Variants in PIK3R6 observed in about 807,000 individuals in gnomAD.
PIK3R6 encodes the protein phosphoinositide 3-kinase regulatory subunit 6.
A neutral mutation model predicts 84.9 loss-of-function variants in PIK3R6; 91 were observed. That is an observed-to-expected ratio of 1.07 (90% CI 0.90 to 1.28). The LOEUF (loss-of-function observed/expected upper bound fraction) is 1.28, where lower values mean the gene tolerates loss of function less well. Among genes scored for constraint, PIK3R6 ranks in the 50% most tolerant of loss-of-function variants. The probability of loss-of-function intolerance (pLI) is 0.00; values close to 1 mark genes in which losing one functional copy is unlikely to be tolerated. For missense variants in PIK3R6, 996 were observed against 985.1 expected, an observed-to-expected ratio of 1.01 and a Z score of -0.15; for synonymous variants, 416 against 411.4, an observed-to-expected ratio of 1.01 and a Z score of -0.13.
chr17:8,829,697 G>A lies in PIK3R6; in HGVS notation c.889+9C>T, dbSNP rs2088165425. 1.9e-6 allele frequency: 3 copies of A among 1,550,918 alleles called. No individual in the cohort carries two copies. Among genetic ancestry groups the A allele is most frequent in the South Asian group, 1.2e-5 (1 of 83,992 alleles). Reference sequence around the variant, plus strand: ...ACCACTGTTTCCAGACAGCTCCATGGGCACGTACAGAGCTGCTCCTCACCG... The same window carrying A: ...ACCACTGTTTCCAGACAGCTCCATGAGCACGTACAGAGCTGCTCCTCACCG... On this transcript the variant is annotated intron_variant, in intron 10 of 19. Coordinates refer to ENST00000619866, the MANE Select transcript of PIK3R6 (RefSeq NM_001010855.4).
chr17:8,837,839 A>T lies in PIK3R6; in HGVS notation c.222T>A (p.Ile74=). 6.2e-7 allele frequency: 1 copy of T among 1,613,914 alleles called. No individual in the cohort carries two copies. The highest frequency in any genetic ancestry group is 8.5e-7 in the Non-Finnish European group (1 of 1,179,824). Residue 74 remains isoleucine, a synonymous_variant, in exon 5 of 20, where the codon ATT becomes ATA. Transcript: ENST00000619866. ...AESQDLRHVI[I]PLLHTVMYVL... ...CGTACATTACAGTGTGCAGCAAGGG[A>T]ATGATGACATGCCGGAGGTCCTGGC...
rs780309084 is a variant in PIK3R6 at position 8,828,811 on chromosome 17, CG to C, written c.1068del (p.Gly357AlafsTer26). Reference sequence around the variant, plus strand: ...CCGGCTCGCTCCATCTCAGGGCTGCCGGGTGCAGGCAGCTCATCAGCCCCCG... The same window carrying C: ...CCGGCTCGCTCCATCTCAGGGCTGCCGGTGCAGGCAGCTCATCAGCCCCCG... ...LPTGADELPA[P>X]GSPEMERAGL... On this transcript the variant is annotated frameshift_variant, in exon 11 of 20. Transcript: ENST00000619866. LOFTEE classifies it high-confidence loss of function. 3 of 1,588,308 alleles carry C rather than the reference CG, an allele frequency of 1.9e-6. No individual in the cohort carries two copies. The Admixed American group carries it at 5.3e-5, about 28-fold the overall frequency.
chr17:8,860,436 TCCCCAGCCCCAG>T (rs981008876), intron 1 of PIK3R6, among the ~76,000 whole-genome samples: 1 of 145,614 alleles, frequency 6.9e-6, no homozygotes, highest in Non-Finnish European at 1.5e-5. Context: ...TCCATCCCCA[TCCCCAGCCCCAG>T]CCCCAGCCCC....
intron 17 of PIK3R6, 45 bp downstream of exon 17, chr17:8,821,801 C>A: frequency 6.5e-7 from 1 of 1,533,556 alleles, no homozygotes; most frequent in South Asian, 1.2e-5. Context: ...CATTGCCCTT[C>A]TCATCTCTTC....
At chr17:8,821,767 C>A in intron 17 of PIK3R6, 79 bp downstream of exon 17, 1 of 1,424,656 alleles carries the variant, frequency 7.0e-7, no homozygotes, top group Non-Finnish European at 9.6e-7. Context: ...TCCCCCTTCT[C>A]CTGCCACTCT....
At position 8,844,399 on chromosome 17, in the gene PIK3R6, A is replaced by G. The variant is rs1374425143; in HGVS notation, c.14-4702T>C. 6.6e-6 allele frequency among the ~76,000 whole-genome samples: 1 copy of G among 152,172 alleles called. No individual in the cohort carries two copies. Among genetic ancestry groups the G allele is most frequent in the East Asian group, 1.9e-4 (1 of 5,192 alleles). ...CTAACCTTGGAATATGAGAGGTTGAAGCTGGTTTTGATTTGATTAAATGGA... is the reference window on the plus strand; with the variant it reads ...CTAACCTTGGAATATGAGAGGTTGAGGCTGGTTTTGATTTGATTAAATGGA... On this transcript the variant is annotated intron_variant, in intron 2 of 19. Coordinates refer to ENST00000619866, the MANE Select transcript of PIK3R6 (RefSeq NM_001010855.4). This position sits in a 1 kb window ranked among gnomAD's most constrained non-coding sequence, Gnocchi z 4.5.
intron 12 of PIK3R6, 42 bp downstream of exon 12, chr17:8,828,070 C>T (rs775095103): frequency 6.3e-7 from 1 of 1,592,826 alleles, no homozygotes; most frequent in East Asian, 2.2e-5. Context: ...GCCCAGCCTG[C>T]CCTGTCTCTG....
intron 18 of PIK3R6, among the ~76,000 whole-genome samples, chr17:8,815,677 A>G (rs2087510814): frequency 6.6e-6 from 1 of 152,156 alleles, no homozygotes; most frequent in African/African-American, 2.4e-5. Flanking sequence ...ATGGGAGGCA[A>G]TGGTGTGGGG....
At position 8,803,033 on chromosome 17, in the gene PIK3R6, G is replaced by A. The variant is rs1253196114; in HGVS notation, c.*240C>T. 1.9e-6 allele frequency: 1 copy of A among 529,550 alleles called. No homozygotes were observed. Among genetic ancestry groups the A allele is most frequent in the Non-Finnish European group, 3.4e-6 (1 of 298,348 alleles). The allele number at this position is 529,550 out of a possible 1,614,324, so 32.8% of individuals were successfully genotyped here. Reference sequence around the variant, plus strand: ...GAGTAGACATTTGTATGAGAAGCTGGGCTTGGTGTGTATGTTCTCAAGCAG... The same window carrying A: ...GAGTAGACATTTGTATGAGAAGCTGAGCTTGGTGTGTATGTTCTCAAGCAG... On this transcript the variant is annotated 3_prime_UTR_variant, in exon 20 of 20. Transcript: ENST00000619866. This position sits in a 1 kb window ranked among gnomAD's most constrained non-coding sequence, Gnocchi z 5.0.
chr17:8,861,196 A>T (rs537131490), intron 1 of PIK3R6, among the ~76,000 whole-genome samples: 2 of 151,132 alleles, frequency 1.3e-5, no homozygotes, highest in Admixed American at 6.6e-5. Flanking sequence ...AAAAAAAAAA[A>T]AAAGAAAGAA....
intron 18 of PIK3R6, among the ~76,000 whole-genome samples, chr17:8,813,289 A>C (rs951316421): frequency 2.6e-5 from 4 of 152,232 alleles, no homozygotes; most frequent in Non-Finnish European, 4.4e-5. Flanking sequence ...CCTCAGGAGC[A>C]GATGGGTTCA....
Position 8,844,519 on chromosome 17 carries a change from T to C in PIK3R6, c.14-4822A>G, listed in dbSNP as rs1205325210. The stretch of plus-strand genomic sequence containing the variant: ...CATCCTTGATGACTCGAATAGTCAA[T>C]AGATAAATGGCATCCATTATTATTA... On this transcript the variant is annotated intron_variant, in intron 2 of 19. Transcript: ENST00000619866. This position sits in a 1 kb window ranked among gnomAD's most constrained non-coding sequence, Gnocchi z 4.5. Among the ~76,000 whole-genome samples, 1 of 152,216 alleles carries C rather than the reference T, an allele frequency of 6.6e-6. No homozygotes were observed.
At position 8,867,533 on chromosome 17, in the gene PIK3R6, G is replaced by T; in HGVS notation, c.-96C>A. On this transcript the variant is annotated 5_prime_UTR_variant, in exon 1 of 20. Transcript: ENST00000619866. ...TCCATCCAAGCCAGCACTTACCTTGGTTCGGTGGCAGCTTCTGGGCTCCCC... is the reference window on the plus strand; with the variant it reads ...TCCATCCAAGCCAGCACTTACCTTGTTTCGGTGGCAGCTTCTGGGCTCCCC... 2.1e-6 allele frequency: 1 copy of T among 484,484 alleles called. No individual in the cohort carries two copies. The highest frequency in any genetic ancestry group is 4.2e-6 in the Non-Finnish European group (1 of 239,724). 30.0% of individuals were successfully genotyped at this position (484,484 alleles called of 1,614,324 possible). A position where few individuals can be genotyped will look rare whatever the true frequency, so the allele number is the denominator to read the frequency against.
chr17:8,823,540 C>T lies in PIK3R6; in HGVS notation c.1516-43G>A, dbSNP rs752619027. The T allele has an allele frequency of 8.0e-6, 11 of 1,368,916 alleles. No individual in the cohort carries two copies. In the African/African-American group the frequency reaches 1.3e-4, roughly 16 times the overall value. 84.8% of individuals were successfully genotyped at this position (1,368,916 alleles called of 1,614,324 possible). The stretch of plus-strand genomic sequence containing the variant: ...AATGTCTTCACCAACTCCCCCAAGG[C>T]CACTGTGGGAGATGCCATTTTCTTC... On this transcript the variant is annotated intron_variant, in intron 13 of 19. Transcript: ENST00000619866.
At chr17:8,838,111 C>T (rs1253283538) in intron 4 of PIK3R6, among the ~76,000 whole-genome samples, 3 of 152,016 alleles carry the variant, frequency 2.0e-5, no homozygotes, top group Non-Finnish European at 4.4e-5. Context: ...GGTGAGGGGC[C>T]AAATTTAATT....
Position 8,832,919 on chromosome 17 carries a change from G to C in PIK3R6, c.772C>G (p.Leu258Val), listed in dbSNP as rs2088304602. The C allele has an allele frequency of 6.2e-7, 1 of 1,612,764 alleles. No homozygotes were observed. The highest frequency in any genetic ancestry group is 8.5e-7 in the Non-Finnish European group (1 of 1,179,746). ...CAGCGCCCCGCCGCGGGACCCAGCA[G>C]CGAGCAGTAAATCTCCTCCAGCCTC... ...VERLEEIYCS[L>V]LGPAAGRCGG... Residue 258 changes from leucine to valine, a missense_variant, in exon 9 of 20, where the codon CTG becomes GTG. By Grantham distance (32) the Leu-to-Val change is conservative (BLOSUM62 1). Coordinates refer to ENST00000619866, the MANE Select transcript of PIK3R6 (RefSeq NM_001010855.4).
chr17:8,854,125 A>T (rs940408895), intron 1 of PIK3R6, among the ~76,000 whole-genome samples: 11 of 152,106 alleles, frequency 7.2e-5, no homozygotes, highest in African/African-American at 2.7e-4. Context: ...TTTGAAAATG[A>T]ATAATGCCTG....
chr17:8,817,683 T>G (rs530204908), intron 18 of PIK3R6, among the ~76,000 whole-genome samples: 7 of 152,212 alleles, frequency 4.6e-5, no homozygotes, highest in African/African-American at 1.7e-4. Context: ...AACATTATTT[T>G]AAAAGATAAA....
chr17:8,852,705 C>A (rs1286185402), intron 1 of PIK3R6, among the ~76,000 whole-genome samples: 4 of 149,444 alleles, frequency 2.7e-5, no homozygotes, highest in Non-Finnish European at 5.9e-5. Flanking sequence ...CGCTACTGCA[C>A]TCCAGCCTGG....
Sources: allele counts gnomAD v4.1 joint callset (sites outside exome capture counted in the v4.1 genomes callset), GRCh38; gene constraint gnomAD v4.1.1; non-coding constraint Gnocchi (gnomAD v3.1); transcripts MANE v1.5; gene names NCBI Gene and HGNC (gene_info 2026-07-23, HGNC 2026-07-21).